The following HIF1A variants were observed in gnomAD, a reference collection of about 807,000 sequenced individuals.
HIF1A encodes the protein hypoxia-inducible factor 1-alpha.
Under a neutral mutation model 92.7 loss-of-function variants are expected in HIF1A, and 24 were observed. The observed-to-expected ratio is 0.26, with a 90% CI of 0.19 to 0.36. The LOEUF (loss-of-function observed/expected upper bound fraction) is 0.36. HIF1A is among the 10% of genes least tolerant of loss of function. The probability of loss-of-function intolerance (pLI) is 1.00; values close to 1 mark genes in which losing one functional copy is unlikely to be tolerated. For missense variants in HIF1A, 799 were observed against 998.5 expected, an observed-to-expected ratio of 0.80 and a Z score of 2.69; for synonymous variants, 319 against 338.7, an observed-to-expected ratio of 0.94 and a Z score of 0.64.
intron 1 of HIF1A, among the ~76,000 whole-genome samples, chr14:61,701,942 C>A (rs1351079066): frequency 6.6e-6 from 1 of 151,948 alleles, no homozygotes; most frequent in African/African-American, 2.4e-5. Context: ...GAGCCAAGAT[C>A]GCCCCATTGC....
At chr14:61,709,637 T>A (rs772131050) in intron 1 of HIF1A, among the ~76,000 whole-genome samples, 1 of 152,204 alleles carries the variant, frequency 6.6e-6, no homozygotes, top group Non-Finnish European at 1.5e-5. Flanking sequence ...ACCAAGAAAT[T>A]TAGTTGCTTT....
chr14:61,710,229 T>C (rs2044290712), intron 1 of HIF1A, among the ~76,000 whole-genome samples: 1 of 152,174 alleles, frequency 6.6e-6, no homozygotes, highest in South Asian at 2.1e-4. Flanking sequence ...TTGTGGTAGC[T>C]GGTTTAATGG....
intron 6 of HIF1A, among the ~76,000 whole-genome samples, chr14:61,729,450 A>G (rs1484897180): frequency 1.3e-5 from 2 of 150,440 alleles, no homozygotes; most frequent in East Asian, 2.0e-4. Flanking sequence ...AGACGGAGTG[A>G]GACTCCATCT....
rs1555339984 is a variant in HIF1A, at chr14:61,747,695, T to TAAATGCTGTATG, written c.*611_*622dup. ...TTGTTAATCATATAATAATGATTCT[T>TAAATGCTGTATG]AAATGCTGTATGGTTTATTATTTAA... On this transcript the variant is annotated 3_prime_UTR_variant, in exon 15 of 15. Coordinates refer to ENST00000337138, the MANE Select transcript of HIF1A (RefSeq NM_001530.4). The TAAATGCTGTATG allele has an allele frequency of 1.3e-5, 2 of 152,622 alleles. No homozygotes were observed. Among genetic ancestry groups the TAAATGCTGTATG allele is most frequent in the African/African-American group, 2.4e-5 (1 of 41,468 alleles). The allele number at this position is 152,622 out of a possible 1,614,324, so 9.5% of individuals were successfully genotyped here.
chr14:61,724,127 T>C (rs1216682638), intron 4 of HIF1A, among the ~76,000 whole-genome samples: 1 of 149,636 alleles, frequency 6.7e-6, no homozygotes, highest in Non-Finnish European at 1.5e-5. Context: ...GTTTGTTTTT[T>C]GTTTTTTTTT....
intron 6 of HIF1A, among the ~76,000 whole-genome samples, chr14:61,729,090 G>A (rs2044542322): frequency 6.6e-6 from 1 of 152,154 alleles, no homozygotes; most frequent in East Asian, 1.9e-4. Context: ...TTCACTCATG[G>A]CTTGCAGCTC....
chr14:61,725,021 T>C (rs1166640867), intron 4 of HIF1A, among the ~76,000 whole-genome samples: 10 of 152,210 alleles, frequency 6.6e-5, no homozygotes, highest in Admixed American at 3.9e-4. Context: ...ATGCTGTTTT[T>C]CAAACATGTC....
chr14:61,698,652 GAA>G (rs2044142788), intron 1 of HIF1A, among the ~76,000 whole-genome samples: 1 of 152,160 alleles, frequency 6.6e-6, no homozygotes, highest in African/African-American at 2.4e-5. Flanking sequence ...TCCTGAAAGT[GAA>G]AAGACTAACA....
intron 14 of HIF1A, 94 bp downstream of exon 14, chr14:61,745,911 G>A: frequency 1.7e-6 from 2 of 1,165,190 alleles, no homozygotes; most frequent in South Asian, 2.9e-5. Context: ...AATGACTTTG[G>A]TTCCTTAGCA....
intron 12 of HIF1A, 51 bp downstream of exon 12, chr14:61,741,239 A>G: frequency 1.6e-6 from 2 of 1,277,650 alleles, no homozygotes; most frequent in Non-Finnish European, 2.2e-6. Context: ...TTTTGAGATA[A>G]ATGTATGTGA....
chr14:61,711,771 T>C (rs1325821367), intron 1 of HIF1A, among the ~76,000 whole-genome samples: 1 of 152,236 alleles, frequency 6.6e-6, no homozygotes, highest in Admixed American at 6.5e-5. Flanking sequence ...TTTACTAAGC[T>C]GCTTTTCTGT....
chr14:61,695,974 C>A, intron 1 of HIF1A, 135 bp downstream of exon 1: 1 of 746,940 alleles, frequency 1.3e-6, no homozygotes. Context: ...CTGCTCCCCT[C>A]CCCTCTCTTC....
rs771188362 is a variant in HIF1A, at chr14:61,738,232, T to C, written c.1395T>C (p.Ser465=). The change falls in exon 10 of 15, where the codon AGT becomes AGC. Residue 465 remains serine (S), a synonymous_variant. Coordinates refer to ENST00000337138, the MANE Select transcript of HIF1A (RefSeq NM_001530.4). ...TAETPKPLRS[S]ADPALNQEVA... ...AAACGCCAAAGCCACTTCGAAGTAGTGCTGACCCTGCACTCAATCAAGAAG... is the reference window on the plus strand; with the variant it reads ...AAACGCCAAAGCCACTTCGAAGTAGCGCTGACCCTGCACTCAATCAAGAAG... 1 of 1,614,146 alleles carries C rather than the reference T, an allele frequency of 6.2e-7. No individual in the cohort carries two copies. The highest frequency in any genetic ancestry group is 8.5e-7 in the Non-Finnish European group (1 of 1,180,016).
chr14:61,738,183 C>T lies in HIF1A; in HGVS notation c.1346C>T (p.Ala449Val), dbSNP rs1305886384. 6.2e-7 allele frequency: 1 copy of T among 1,613,766 alleles called. No homozygotes were observed. The highest frequency in any genetic ancestry group is 8.5e-7 in the Non-Finnish European group (1 of 1,179,880). Residue 449 changes from alanine to valine, a missense_variant, in exon 10 of 15, where the codon GCA becomes GTA. Around this residue, in one of 2 missense-constraint regions of HIF1A, gnomAD observed 516 missense variants for 721.0 expected, o/e 0.72. Transcript: ENST00000337138. The part of the protein sequence containing the change: ...PNEKLQNINL[A>V]MSPLPTAETP... ...GAAAAATTACAGAATATAAATTTGG[C>T]AATGTCTCCATTACCCACCGCTGAA...
chr14:61,724,399 C>T lies in HIF1A; in HGVS notation c.458-2307C>T, dbSNP rs1363439792. On this transcript the variant is annotated intron_variant, in intron 4 of 14. Coordinates refer to ENST00000337138, the MANE Select transcript of HIF1A (RefSeq NM_001530.4). Reference sequence around the variant, plus strand: ...TCTCTCTCCCCCTCCCTCCCGCACTCCTTCCCTTCCCCCTCCTTTGCTCTC... The same window carrying T: ...TCTCTCTCCCCCTCCCTCCCGCACTTCTTCCCTTCCCCCTCCTTTGCTCTC... Among the ~76,000 whole-genome samples the T allele has an allele frequency of 2.0e-5, 3 of 150,864 alleles. No individual in the cohort carries two copies. In the East Asian group the frequency reaches 5.8e-4, roughly 29 times the overall value.
rs1404187796 is a variant in HIF1A, at chr14:61,747,066, C to T, written c.2462C>T (p.Ala821Val). Residue 821 changes from alanine (A) to valine (V), a missense_variant, in exon 15 of 15, where the codon GCT becomes GTT. Around this residue, in one of 2 missense-constraint regions of HIF1A, gnomAD observed 283 missense variants for 277.5 expected, o/e 1.02. Transcript: ENST00000337138. ...NLLQGEELLR[A>V]LDQVN The stretch of plus-strand genomic sequence containing the variant: ...CTGCAGGGTGAAGAATTACTCAGAG[C>T]TTTGGATCAAGTTAACTGAGCTTTT... The T allele has an allele frequency of 1.1e-5, 18 of 1,609,792 alleles. No individual in the cohort carries two copies. The highest frequency in any genetic ancestry group is 1.5e-5 in the Non-Finnish European group (18 of 1,179,044).
chr14:61,715,984 A>G (rs975394913), intron 1 of HIF1A, among the ~76,000 whole-genome samples: 4 of 152,164 alleles, frequency 2.6e-5, no homozygotes, highest in Non-Finnish European at 5.9e-5. Flanking sequence ...TGGGTGACAG[A>G]GCAAGACTCT....
chr14:61,717,145 G>A (rs2044372777), intron 1 of HIF1A: 1 of 152,088 alleles, frequency 6.6e-6, no homozygotes, highest in Non-Finnish European at 1.5e-5. Context: ...AAAACAAATA[G>A]TACAGGATTC....
intron 8 of HIF1A, among the ~76,000 whole-genome samples, chr14:61,735,690 A>G (rs952246082): frequency 6.6e-6 from 1 of 152,240 alleles, no homozygotes; most frequent in African/African-American, 2.4e-5. Context: ...GCCAAACGTG[A>G]AGATAAACTA....
Sources: gnomAD v4.1 joint callset for allele counts (sites outside exome capture counted in the v4.1 genomes callset) on GRCh38, gnomAD v4.1.1 for gene constraint, gnomAD v4.1.1 regional missense constraint, MANE v1.5 for transcripts, NCBI Gene and HGNC (gene_info 2026-07-23, HGNC 2026-07-21) for gene names.